The following USP34 variants were observed in gnomAD, a reference collection of about 807,000 sequenced individuals.
USP34 encodes the protein ubiquitin carboxyl-terminal hydrolase 34.
USP34 carries 70 observed loss-of-function variants against 460.3 expected under a neutral mutation model. That is an observed-to-expected ratio of 0.15 (90% CI 0.13 to 0.19). USP34 has a LOEUF of 0.19. Among genes scored for constraint, USP34 ranks in the 10% least tolerant of loss-of-function variants. The pLI is 1.00. For missense variants in USP34, 3,985 were observed against 4,236.2 expected (o/e 0.94, Z 1.65); for synonymous variants, 1,647 against 1,405.3 (o/e 1.17, Z -3.85).
At chr2:61,189,165 C>T in intron 78 of USP34, 96 bp from the exon 79 acceptor site, 1 of 1,328,828 alleles carries the variant, frequency 7.5e-7, no homozygotes, top group Non-Finnish European at 1.0e-6. Flanking sequence ...TCCCAGGAAT[C>T]CATTCTTTCC....
At chr2:61,281,279 T>C in intron 37 of USP34, 37 bp from the exon 38 acceptor site, 1 of 1,594,220 alleles carries the variant, frequency 6.3e-7, no homozygotes, top group Non-Finnish European at 8.5e-7. Context: ...CAGTGAGAGT[T>C]AGTATTACAA....
intron 35 of USP34, 147 bp from the exon 36 acceptor site, chr2:61,283,596 TGAGA>T (rs562733689): frequency 5.7e-5 from 28 of 495,118 alleles, no homozygotes; most frequent in Middle Eastern, 5.6e-4. Flanking sequence ...AGAGTGAGAG[TGAGA>T]GAGAGTGTGA....
chr2:61,256,214 T>C (rs985868574), intron 48 of USP34, among the ~76,000 whole-genome samples, 170 bp downstream of exon 48: 1 of 152,190 alleles, frequency 6.6e-6, no homozygotes, highest in African/African-American at 2.4e-5. Context: ...TCAAAATAAA[T>C]GGTAATTCAC....
At chr2:61,374,676 T>C (rs1162992046) in intron 8 of USP34, among the ~76,000 whole-genome samples, 1 of 151,980 alleles carries the variant, frequency 6.6e-6, no homozygotes, top group Non-Finnish European at 1.5e-5. Flanking sequence ...GTGGCGCAAC[T>C]TCGGCTCACT....
intron 75 of USP34, among the ~76,000 whole-genome samples, chr2:61,194,986 T>C (rs113676223): frequency 6.7e-6 from 1 of 148,790 alleles, no homozygotes; most frequent in African/African-American, 2.5e-5. Flanking sequence ...GGGCCAGGTA[T>C]GGTGACTCAC....
At chr2:61,220,259 A>C in intron 67 of USP34, 51 bp downstream of exon 67, 1 of 1,516,988 alleles carries the variant, frequency 6.6e-7, no homozygotes, top group South Asian at 1.3e-5. Context: ...AATGAAACAT[A>C]ACTTTGAACA....
chr2:61,233,830 C>G (rs983604460), intron 57 of USP34, among the ~76,000 whole-genome samples: 2 of 137,028 alleles, frequency 1.5e-5, no homozygotes, highest in African/African-American at 2.7e-5. Flanking sequence ...CAGAGTGACA[C>G]CCACTCTGGG....
At chr2:61,321,190 T>C (rs1690909322) in intron 21 of USP34, among the ~76,000 whole-genome samples, 1 of 149,428 alleles carries the variant, frequency 6.7e-6, no homozygotes, top group Admixed American at 6.7e-5. Context: ...AACAAAAAAA[T>C]GGCCAGGCGC....
chr2:61,293,612 T>C (rs773674055), intron 32 of USP34, 62 bp from the exon 33 acceptor site: 2 of 1,244,924 alleles, frequency 1.6e-6, no homozygotes, highest in Non-Finnish European at 2.3e-6. Flanking sequence ...ATAATGCTTG[T>C]TGATTCAGTA....
chr2:61,235,527 C>A (rs749387803), intron 57 of USP34, among the ~76,000 whole-genome samples: 1 of 151,776 alleles, frequency 6.6e-6, no homozygotes, highest in Non-Finnish European at 1.5e-5. Flanking sequence ...TGTTTCACCA[C>A]GTTGGCCAGG....
At chr2:61,441,926 T>G (rs982421176) in intron 1 of USP34, among the ~76,000 whole-genome samples, 1 of 149,674 alleles carries the variant, frequency 6.7e-6, no homozygotes, top group South Asian at 2.1e-4. Context: ...TAAGAACAGA[T>G]ACATAAACCA....
At chr2:61,408,821 A>T (rs898149720) in intron 2 of USP34, among the ~76,000 whole-genome samples, 1 of 151,926 alleles carries the variant, frequency 6.6e-6, no homozygotes, top group Non-Finnish European at 1.5e-5. Context: ...TGAACTTGGG[A>T]GGCGGAGGTT....
At chr2:61,191,355 A>G (rs979669866) in intron 76 of USP34, 5 of 152,058 alleles carry the variant, frequency 3.3e-5, no homozygotes, top group African/African-American at 1.2e-4. Flanking sequence ...ATATGGAAAA[A>G]AGCAATATAT....
Position 61,190,288 on chromosome 2 carries a change from T to C in USP34, c.9856A>G (p.Ser3286Gly). The change falls in exon 78 of 80, where the codon AGT becomes GGT. Residue 3286 changes from serine to glycine, a missense_variant. Ser to Gly is a moderately conservative substitution (Grantham distance 56). Coordinates refer to ENST00000398571, the MANE Select transcript of USP34 (RefSeq NM_014709.4). ...FSNRVEISKASASLNGDLRAL... is the reference protein window; with the variant it reads ...FSNRVEISKAGASLNGDLRAL... Reference sequence around the variant, plus strand: ...GTTCTTACCCCATTTAAAGAAGCACTTGCTTTGGAAATTTCAACTCGGTTG... The same window carrying C: ...GTTCTTACCCCATTTAAAGAAGCACCTGCTTTGGAAATTTCAACTCGGTTG... 6.2e-7 allele frequency: 1 copy of C among 1,612,582 alleles called. No homozygotes were observed. The highest frequency in any genetic ancestry group is 8.5e-7 in the Non-Finnish European group (1 of 1,179,596).
Position 61,470,777 on chromosome 2 carries a change from G to T in USP34, c.-85C>A. The stretch of plus-strand genomic sequence containing the variant: ...CGGGGGGGAGGGGAGAGAGGCGGAG[G>T]AGGGGGCCGGCCGGCCGGCGGGGCG... On this transcript the variant is annotated 5_prime_UTR_variant, in exon 1 of 80. Coordinates refer to ENST00000398571, the MANE Select transcript of USP34 (RefSeq NM_014709.4). The T allele has an allele frequency of 6.4e-6, 8 of 1,257,326 alleles. No homozygotes were observed. The highest frequency in any genetic ancestry group is 3.1e-5 in the African/African-American group (2 of 64,378). The allele number at this position is 1,257,326 out of a possible 1,614,324, so 77.9% of individuals were successfully genotyped here.
At chr2:61,325,602 G>T (rs1184900195) in intron 20 of USP34, 145 bp from the exon 21 acceptor site, 3 of 456,812 alleles carry the variant, frequency 6.6e-6, no homozygotes, top group Non-Finnish European at 1.1e-5. Flanking sequence ...TTACACGAAA[G>T]AAGTTCATAA....
Position 61,187,720 on chromosome 2 carries a change from A to G in USP34, c.*382T>C, listed in dbSNP as rs908536712. ...ATAAGAACCACAGCGATCGGAGGCA[A>G]TCTGCCTCTATAAGGTACAAAACTG... On this transcript the variant is annotated 3_prime_UTR_variant, in exon 80 of 80. Coordinates refer to ENST00000398571, the MANE Select transcript of USP34 (RefSeq NM_014709.4). 8 of 446,226 alleles carry G rather than the reference A, an allele frequency of 1.8e-5. No homozygotes were observed. The highest frequency in any genetic ancestry group is 2.2e-5 in the Non-Finnish European group (7 of 325,552). The allele number at this position is 446,226 out of a possible 1,614,324, so 27.6% of individuals were successfully genotyped here.
chr2:61,420,473 A>C (rs1225478295), intron 2 of USP34, among the ~76,000 whole-genome samples: 3 of 152,190 alleles, frequency 2.0e-5, no homozygotes, highest in African/African-American at 2.4e-5. Context: ...AAAATTATTT[A>C]ATCTCTCAAA....
chr2:61,452,321 T>G (rs1431230160), intron 1 of USP34, among the ~76,000 whole-genome samples: 1 of 134,906 alleles, frequency 7.4e-6, no homozygotes, highest in East Asian at 2.2e-4. Context: ...CCCGGCACTT[T>G]TTTTTTTTTT....
Sources: allele counts gnomAD v4.1 joint callset (sites outside exome capture counted in the v4.1 genomes callset), GRCh38; gene constraint gnomAD v4.1.1; transcripts MANE v1.5; gene names NCBI Gene and HGNC (gene_info 2026-07-23, HGNC 2026-07-21).